Variants in NRG3 observed in about 807,000 individuals in gnomAD.
NRG3 encodes pro-neuregulin-3, membrane-bound isoform.
NRG3 carries 31 observed loss-of-function variants against 66.9 expected under a neutral mutation model. That is an observed-to-expected ratio of 0.46 (90% CI 0.35 to 0.63). The LOEUF is 0.63. Ranked by LOEUF, NRG3 falls within the 20% of genes least tolerant of loss-of-function variation. The pLI, the probability that NRG3 is intolerant of heterozygous loss-of-function variation, is 0.00. For synonymous variants in NRG3, 393 were observed against 359.4 expected (o/e 1.09, Z -1.06); for missense variants, 910 against 878.9 (o/e 1.04, Z -0.45).
chr10:82,846,725 A>G (rs2063325353), intron 3 of NRG3, among the ~76,000 whole-genome samples: 2 of 152,226 alleles, frequency 1.3e-5, no homozygotes, highest in South Asian at 4.1e-4. Context: ...AATAACTTCT[A>G]AATACTTCAT....
intron 2 of NRG3, among the ~76,000 whole-genome samples, chr10:82,615,752 G>A (rs1386821922): frequency 6.6e-6 from 1 of 152,148 alleles, no homozygotes; most frequent in Non-Finnish European, 1.5e-5. Context: ...GAAAGAGATA[G>A]TAAAAATGTG....
intron 1 of NRG3, among the ~76,000 whole-genome samples, chr10:82,324,257 G>T (rs1478256796): frequency 6.6e-6 from 1 of 152,150 alleles, no homozygotes; most frequent in African/African-American, 2.4e-5. Context: ...TCTACAGTCT[G>T]TAGTGCTGTC....
chr10:82,703,571 C>G (rs2056061396), intron 2 of NRG3, among the ~76,000 whole-genome samples: 1 of 152,050 alleles, frequency 6.6e-6, no homozygotes, highest in Admixed American at 6.6e-5. Flanking sequence ...GAAGGAAGAA[C>G]CATTCAACAG....
intron 2 of NRG3, among the ~76,000 whole-genome samples, chr10:82,708,916 C>T (rs2134369674): frequency 6.6e-6 from 1 of 152,116 alleles, no homozygotes; most frequent in African/African-American, 2.4e-5. Context: ...TCTTGGTGCT[C>T]ATATATCTTT....
At chr10:82,120,260 G>A (rs1044353309) in intron 1 of NRG3, among the ~76,000 whole-genome samples, 2 of 151,974 alleles carry the variant, frequency 1.3e-5, no homozygotes, top group Non-Finnish European at 2.9e-5. Flanking sequence ...AACTGTATAG[G>A]CAATAATGGA....
At chr10:82,354,716 C>T (rs2083668233) in intron 1 of NRG3, among the ~76,000 whole-genome samples, 1 of 152,076 alleles carries the variant, frequency 6.6e-6, no homozygotes, top group African/African-American at 2.4e-5. Context: ...CTGTAAATTC[C>T]TATTCCGTGC....
chr10:82,712,716 G>C (rs2056746370), intron 2 of NRG3, among the ~76,000 whole-genome samples: 1 of 152,150 alleles, frequency 6.6e-6, no homozygotes, highest in Non-Finnish European at 1.5e-5. Flanking sequence ...GCAAGGTCTT[G>C]AGGACATGAG....
At chr10:82,865,544 A>C (rs947734395) in intron 4 of NRG3, 107 bp downstream of exon 4, 8 of 1,123,554 alleles carry the variant, frequency 7.1e-6, no homozygotes, top group Non-Finnish European at 1.0e-5. Flanking sequence ...TCTCATTATC[A>C]GATGCTATTA....
intron 2 of NRG3, among the ~76,000 whole-genome samples, chr10:82,654,601 A>T (rs1441801468): frequency 2.6e-5 from 4 of 152,210 alleles, no homozygotes; most frequent in Non-Finnish European, 5.9e-5. Context: ...ATTGTTAAAC[A>T]TGCCTGTTCG....
In NRG3 at chr10:82,519,553, C is replaced by T. The variant is rs1276500854; in HGVS notation, c.953+160685C>T. On this transcript the variant is annotated intron_variant, in intron 2 of 8. Transcript: ENST00000372141. ...CCCTTTCCTTCATAGGAACACTCCACCAGCAGCTTCTTCAGTTTATGTCCT... is the reference window on the plus strand; with the variant it reads ...CCCTTTCCTTCATAGGAACACTCCATCAGCAGCTTCTTCAGTTTATGTCCT... Among the ~76,000 whole-genome samples the T allele has an allele frequency of 2.0e-5, 3 of 152,188 alleles. No homozygotes were observed. The South Asian group carries it at 6.2e-4, about 32-fold the overall frequency.
chr10:82,476,917 C>G (rs1251876003), intron 2 of NRG3, among the ~76,000 whole-genome samples: 1 of 152,000 alleles, frequency 6.6e-6, no homozygotes, highest in Non-Finnish European at 1.5e-5. Flanking sequence ...TCAAAATAAG[C>G]CTTATGGAAT....
At chr10:82,532,788 C>T (rs967586545) in intron 2 of NRG3, among the ~76,000 whole-genome samples, 9 of 151,050 alleles carry the variant, frequency 6.0e-5, no homozygotes, top group African/African-American at 2.2e-4. Context: ...GGATAAAATC[C>T]CAGTAGTAGA....
chr10:82,374,156 C>G (rs1425405045), intron 2 of NRG3, among the ~76,000 whole-genome samples: 4 of 152,148 alleles, frequency 2.6e-5, no homozygotes. Context: ...ATGTTAATAT[C>G]AATCTTCTAT....
At chr10:81,946,749 G>A (rs906496062) in intron 1 of NRG3, among the ~76,000 whole-genome samples, 3 of 152,162 alleles carry the variant, frequency 2.0e-5, no homozygotes, top group Non-Finnish European at 4.4e-5. Flanking sequence ...CATCATGGGC[G>A]TGAATCTGCT....
intron 2 of NRG3, among the ~76,000 whole-genome samples, chr10:82,573,526 T>A (rs1177488759): frequency 6.6e-6 from 1 of 151,798 alleles, no homozygotes; most frequent in African/African-American, 2.4e-5. Context: ...TTTAAACCTC[T>A]CCGCATAGTA....
chr10:82,621,572 C>T (rs1218489949), intron 2 of NRG3, among the ~76,000 whole-genome samples: 4 of 152,072 alleles, frequency 2.6e-5, no homozygotes, highest in Non-Finnish European at 5.9e-5. Flanking sequence ...AGACAGAGAG[C>T]CCACTAAAAA....
chr10:82,638,694 T>G (rs2133793229), intron 2 of NRG3, among the ~76,000 whole-genome samples: 1 of 152,184 alleles, frequency 6.6e-6, no homozygotes, highest in East Asian at 1.9e-4. Flanking sequence ...GTCACCAGGC[T>G]GGAGTGCAGT....
intron 6 of NRG3, among the ~76,000 whole-genome samples, chr10:82,961,701 A>G (rs1006509313): frequency 6.6e-6 from 1 of 152,164 alleles, no homozygotes; most frequent in Admixed American, 6.5e-5. Context: ...ACCTCCCTCA[A>G]CAGAAGATTA....
intron 1 of NRG3, among the ~76,000 whole-genome samples, chr10:82,269,014 C>T (rs562181603): frequency 9.2e-5 from 14 of 152,148 alleles, no homozygotes; most frequent in African/African-American, 3.4e-4. Flanking sequence ...CTGTATTCAC[C>T]GTGACTCCTT....
Sources: gnomAD v4.1 joint callset for allele counts (sites outside exome capture counted in the v4.1 genomes callset) on GRCh38, gnomAD v4.1.1 for gene constraint, MANE v1.5 for transcripts, NCBI Gene and HGNC (gene_info 2026-07-23, HGNC 2026-07-21) for gene names.